PATZ1: variants seen among roughly 807,000 people sequenced by gnomAD.
PATZ1 encodes the protein POZ/BTB and AT hook containing zinc finger 1.
PATZ1 carries 9 observed loss-of-function variants against 46.2 expected under a neutral mutation model. The ratio of observed to expected loss-of-function variants is 0.19; its 90% CI spans 0.12 to 0.34. The LOEUF (loss-of-function observed/expected upper bound fraction) is 0.34, where lower values mean the gene tolerates loss of function less well. Ranked by LOEUF, PATZ1 falls within the 10% of genes least tolerant of loss-of-function variation. The pLI, the probability that PATZ1 is intolerant of heterozygous loss-of-function variation, is 1.00. For missense variants in PATZ1, 632 were observed against 923.0 expected, an observed-to-expected ratio of 0.68 and a Z score of 4.08; for synonymous variants, 426 against 378.6, an observed-to-expected ratio of 1.13 and a Z score of -1.45.
At chr22:31,336,610 G>A (rs1020131344) in intron 2 of PATZ1, among the ~76,000 whole-genome samples, 1 of 151,542 alleles carries the variant, frequency 6.6e-6, no homozygotes, top group Non-Finnish European at 1.5e-5. Flanking sequence ...TTCAAGACCA[G>A]CCTGGCCAAC....
Position 31,345,890 on chromosome 22 carries a change from G to A in PATZ1, c.-288C>T, listed in dbSNP as rs920652425. ...CTCCCCTTCCCGGTCTACCTTCCGG[G>A]GGGGTGCGCGAGCGAAGAGGTGCGC... On this transcript the variant is annotated 5_prime_UTR_variant, in exon 1 of 5. Coordinates refer to ENST00000266269, the MANE Select transcript of PATZ1 (RefSeq NM_014323.3). The surrounding 1 kb of genome is among the most constrained non-coding windows in gnomAD (Gnocchi z 7.4). The A allele has an allele frequency of 5.5e-6, 2 of 364,352 alleles. No homozygotes were observed. Among genetic ancestry groups the A allele is most frequent in the African/African-American group, 2.1e-5 (1 of 48,022 alleles). The allele number at this position is 364,352 out of a possible 1,614,324, so 22.6% of individuals were successfully genotyped here. A position where few individuals can be genotyped will look rare whatever the true frequency, so the allele number is the denominator to read the frequency against.
Position 31,328,797 on chromosome 22 carries a change from A to G in PATZ1, c.1635T>C (p.Tyr545=). The change falls in exon 4 of 5, where the codon TAT becomes TAC. Residue 545 remains tyrosine (Y), a synonymous_variant. Coordinates refer to ENST00000266269, the MANE Select transcript of PATZ1 (RefSeq NM_014323.3). This position sits in a 1 kb window ranked among gnomAD's most constrained non-coding sequence, Gnocchi z 4.8. ...CAAGGGGTCGCTTGCCTTTGTTGCC[A>G]TAGGTCCTGGCGCAGTGGAACGCTG... ...GGAAFHCART[Y]GNKEGQKCSH... The G allele has an allele frequency of 6.2e-7, 1 of 1,613,238 alleles. No homozygotes were observed. Among genetic ancestry groups the G allele is most frequent in the Non-Finnish European group, 8.5e-7 (1 of 1,179,816 alleles).
At chr22:31,343,608 A>G (rs1302861251) in intron 1 of PATZ1, 6 of 186,534 alleles carry the variant, frequency 3.2e-5, no homozygotes, top group East Asian at 1.9e-4. Flanking sequence ...CTTTTAGGAG[A>G]AAAACAAAAT....
chr22:31,344,364 G>T lies in PATZ1; in HGVS notation c.1239C>A (p.Tyr413Ter). ...AGCCTTTCCCACAGCTCTGGCAGATGTAAGGCTTGCCCACGGACCCATCAT... is the reference window on the plus strand; with the variant it reads ...AGCCTTTCCCACAGCTCTGGCAGATTTAAGGCTTGCCCACGGACCCATCAT... ...RSHDGSVGKP[Y>*]ICQSCGKGFS... Residue 413 changes from tyrosine to a stop codon, truncating the protein, a stop_gained, in exon 1 of 5, where the codon TAC becomes TAA. Transcript: ENST00000266269. LOFTEE classifies it high-confidence loss of function. The T allele has an allele frequency of 6.2e-7, 1 of 1,613,124 alleles. No homozygotes were observed. Among genetic ancestry groups the T allele is most frequent in the Non-Finnish European group, 8.5e-7 (1 of 1,179,436 alleles).
At position 31,336,159 on chromosome 22, in the gene PATZ1, AGT is replaced by A. The variant is rs952525238; in HGVS notation, c.1336-298_1336-297del. ...CTCTATACCCCTCTACACAATGAAG[AGT>A]TACACATTTGCTCATCCTTAGACAT... On this transcript the variant is annotated intron_variant, in intron 2 of 4. Coordinates refer to ENST00000266269, the MANE Select transcript of PATZ1 (RefSeq NM_014323.3). Among the ~76,000 whole-genome samples the A allele has an allele frequency of 3.3e-5, 5 of 152,240 alleles. No homozygotes were observed. The East Asian group carries it at 9.6e-4, about 29-fold the overall frequency.
intron 2 of PATZ1, among the ~76,000 whole-genome samples, chr22:31,338,368 T>C (rs2049538424): frequency 6.6e-6 from 1 of 152,154 alleles, no homozygotes; most frequent in East Asian, 1.9e-4. Context: ...TATAACACAG[T>C]GTACAGTACT....
intron 3 of PATZ1, among the ~76,000 whole-genome samples, chr22:31,333,634 T>G (rs1159064483): frequency 6.6e-6 from 1 of 152,180 alleles, no homozygotes; most frequent in African/African-American, 2.4e-5. Flanking sequence ...TTAGTCTTCT[T>G]GCAGGAAAGG....
Position 31,345,897 on chromosome 22 carries a change from C to A in PATZ1, c.-295G>T. 1 of 352,628 alleles carries A rather than the reference C, an allele frequency of 2.8e-6. No individual in the cohort carries two copies. The allele number at this position is 352,628 out of a possible 1,614,324, so 21.8% of individuals were successfully genotyped here. ...TCCCGGTCTACCTTCCGGGGGGGTG[C>A]GCGAGCGAAGAGGTGCGCCCCTCCT... On this transcript the variant is annotated 5_prime_UTR_variant, in exon 1 of 5. Transcript: ENST00000266269. The surrounding 1 kb of genome is among the most constrained non-coding windows in gnomAD (Gnocchi z 7.4).
Position 31,328,870 on chromosome 22 carries a change from G to A in PATZ1, c.1562C>T (p.Pro521Leu). The change falls in exon 4 of 5, where the codon CCC (proline) becomes CTC (leucine). Residue 521 changes from proline to leucine, a missense_variant. Transcript: ENST00000266269. The surrounding 1 kb of genome is among the most constrained non-coding windows in gnomAD (Gnocchi z 4.8). ...CTGGTGCCTGGAGACCTGGGGAAGG[G>A]GAACACCGTGGTGGGTTTTAACATG... The part of the protein sequence containing the change: ...KVHVKTHHGV[P>L]LPQVSRHQEP... 1 of 1,614,058 alleles carries A rather than the reference G, an allele frequency of 6.2e-7. No individual in the cohort carries two copies. Among genetic ancestry groups the A allele is most frequent in the Non-Finnish European group, 8.5e-7 (1 of 1,179,934 alleles).
chr22:31,342,148 T>C (rs562053146), intron 2 of PATZ1, among the ~76,000 whole-genome samples: 1 of 152,180 alleles, frequency 6.6e-6, no homozygotes, highest in Non-Finnish European at 1.5e-5. Flanking sequence ...GTGTTCGCTA[T>C]CCACACAGGA....
chr22:31,335,681 G>A lies in PATZ1; in HGVS notation c.1507+11C>T. The A allele has an allele frequency of 1.9e-6, 3 of 1,612,192 alleles. No individual in the cohort carries two copies. The highest frequency in any genetic ancestry group is 2.5e-6 in the Non-Finnish European group (3 of 1,178,464). On this transcript the variant is annotated intron_variant, in intron 3 of 4. Coordinates refer to ENST00000266269, the MANE Select transcript of PATZ1 (RefSeq NM_014323.3). ...CATCCTCTGGAAGTGAGGAAACAGT[G>A]GGCAGATTACCTCGGTTACAGATAC...
In PATZ1 at chr22:31,345,438, G is replaced by A. The variant is rs556778942; in HGVS notation, c.165C>T (p.His55=). 6.8e-6 allele frequency: 11 copies of A among 1,612,626 alleles called. No individual in the cohort carries two copies. Among genetic ancestry groups the A allele is most frequent in the South Asian group, 6.6e-5 (6 of 91,034 alleles). ...LRVGDESFPA[H]RAVLAACSEY... is the part of the protein sequence containing the mutation. ...CGCTGCAGGCGGCCAGCACGGCGCG[G>A]TGCGCTGGGAAGCTCTCGTCGCCTA... Residue 55 remains histidine (H), a synonymous_variant, in exon 1 of 5, where the codon CAC becomes CAT. Transcript: ENST00000266269. This position sits in a 1 kb window ranked among gnomAD's most constrained non-coding sequence, Gnocchi z 7.4.
chr22:31,336,000 C>G, intron 2 of PATZ1, 137 bp from the exon 3 acceptor site: 1 of 729,728 alleles, frequency 1.4e-6, no homozygotes, highest in East Asian at 2.7e-5. Flanking sequence ...TAGAGTTTGG[C>G]TCAGGCTCCC....
Position 31,330,483 on chromosome 22 carries a change from A to C in PATZ1, c.1508-1559T>G, listed in dbSNP as rs1315640641. Among the ~76,000 whole-genome samples the C allele has an allele frequency of 4.6e-5, 7 of 151,844 alleles. No homozygotes were observed. In the East Asian group the frequency reaches 1.4e-3, roughly 29 times the overall value. On this transcript the variant is annotated intron_variant, in intron 3 of 4. Coordinates refer to ENST00000266269, the MANE Select transcript of PATZ1 (RefSeq NM_014323.3). ...CACTGCGCTCCAGCCTGGGCAACAG[A>C]GCGAGACTCCGTCTCAAAAAAAAAA...
At chr22:31,340,812 G>A in intron 2 of PATZ1, 1 of 1,059,872 alleles carries the variant, frequency 9.4e-7, no homozygotes. Context: ...ATATTGGGGT[G>A]GCCCAATATA....
Position 31,345,641 on chromosome 22 carries a change from G to A in PATZ1, c.-39C>T, listed in dbSNP as rs558880418. On this transcript the variant is annotated 5_prime_UTR_variant, in exon 1 of 5. Transcript: ENST00000266269. The surrounding 1 kb of genome is among the most constrained non-coding windows in gnomAD (Gnocchi z 7.4). ...TCCCACTAGCCCGGCCGCTGCACCT[G>A]CCCGCCCCCTCCCTTCCCCTCAGCA... 3 of 1,536,228 alleles carry A rather than the reference G, an allele frequency of 2.0e-6. No individual in the cohort carries two copies. The highest frequency in any genetic ancestry group is 1.2e-5 in the South Asian group (1 of 81,356).
intron 1 of PATZ1, 76 bp from the exon 2 acceptor site, chr22:31,343,036 G>C: frequency 1.2e-6 from 2 of 1,602,864 alleles, no homozygotes; most frequent in Admixed American, 3.4e-5. Context: ...GCATACGTGT[G>C]TACACACACA....
chr22:31,344,138 C>G (rs1038080827), intron 1 of PATZ1, among the ~76,000 whole-genome samples, 194 bp downstream of exon 1: 1 of 152,192 alleles, frequency 6.6e-6, no homozygotes, highest in Non-Finnish European at 1.5e-5. Context: ...AAAAAAACTT[C>G]CCTGAGGGAA....
At position 31,327,951 on chromosome 22, in the gene PATZ1, G is replaced by A. The variant is rs1278610388; in HGVS notation, c.1646-642C>T. ...AACTCTGTACTACTCAGTCGGCTGG[G>A]TGTCCCCACCCTAGGCCCCAGACAA... On this transcript the variant is annotated intron_variant, in intron 4 of 4. Transcript: ENST00000266269. The surrounding 1 kb of genome is among the most constrained non-coding windows in gnomAD (Gnocchi z 4.2). Among the ~76,000 whole-genome samples the A allele has an allele frequency of 6.6e-6, 1 of 152,206 alleles. No homozygotes were observed. Among genetic ancestry groups the A allele is most frequent in the Admixed American group, 6.5e-5 (1 of 15,280 alleles).
Sources: allele counts gnomAD v4.1 joint callset (sites outside exome capture counted in the v4.1 genomes callset), GRCh38; gene constraint gnomAD v4.1.1; non-coding constraint Gnocchi (gnomAD v3.1); transcripts MANE v1.5; gene names NCBI Gene and HGNC (gene_info 2026-07-23, HGNC 2026-07-21).